The following UBA7 variants were observed in gnomAD, a reference collection of about 807,000 sequenced individuals.
The protein encoded by UBA7 is ubiquitin like modifier activating enzyme 7.
UBA7 carries 88 observed loss-of-function variants against 113.0 expected under a neutral mutation model. The observed-to-expected ratio is 0.78, with a 90% CI of 0.66 to 0.93. UBA7 has a LOEUF of 0.93. Among genes scored for constraint, UBA7 ranks in the 40% least tolerant of loss-of-function variants. The pLI, the probability that UBA7 is intolerant of heterozygous loss-of-function variation, is 0.00. For synonymous variants in UBA7, 459 were observed against 513.0 expected (o/e 0.89, Z 1.42); for missense variants, 1,092 against 1,266.4 (o/e 0.86, Z 2.09).
chr3:49,807,533 G>T lies in UBA7; in HGVS notation c.2715+203C>A, dbSNP rs2081473098. Among the ~76,000 whole-genome samples, 1 of 152,178 alleles carries T rather than the reference G, an allele frequency of 6.6e-6. No homozygotes were observed. The highest frequency in any genetic ancestry group is 2.4e-5 in the African/African-American group (1 of 41,434). Reference sequence around the variant, plus strand: ...CAGATCCTGGGCTTTGGAGGATTGGGGGTGGGGATGGCTGACGGCTGCTTC... The same window carrying T: ...CAGATCCTGGGCTTTGGAGGATTGGTGGTGGGGATGGCTGACGGCTGCTTC... On this transcript the variant is annotated intron_variant, in intron 21 of 23. Coordinates refer to ENST00000333486, the MANE Select transcript of UBA7 (RefSeq NM_003335.3). The surrounding 1 kb of genome is among the most constrained non-coding windows in gnomAD (Gnocchi z 4.0).
chr3:49,809,357 C>CT, intron 17 of UBA7, 33 bp downstream of exon 17: 1 of 1,609,744 alleles, frequency 6.2e-7, no homozygotes, highest in African/African-American at 1.3e-5. Context: ...GGCCACATCT[C>CT]TATCTTGGAG....
rs766143595 is a variant in UBA7, at chr3:49,810,173, C to A, written c.1644G>T (p.Val548=). 6.2e-7 allele frequency: 1 copy of A among 1,613,194 alleles called. No individual in the cohort carries two copies. Among genetic ancestry groups the A allele is most frequent in the Non-Finnish European group, 8.5e-7 (1 of 1,179,854 alleles). ...ALDSFQARRY[V]AARCTHYLKP... ...TCAGATAGTGGGTGCAACGAGCAGCCACATAGCGCCCTGGCAAGGGAGCAG... is the reference window on the plus strand; with the variant it reads ...TCAGATAGTGGGTGCAACGAGCAGCAACATAGCGCCCTGGCAAGGGAGCAG... Residue 548 remains valine (V), a synonymous_variant, in exon 14 of 24, where the codon GTG becomes GTT. Transcript: ENST00000333486. The surrounding 1 kb of genome is among the most constrained non-coding windows in gnomAD (Gnocchi z 5.6).
rs893317174 is a variant in UBA7, at chr3:49,805,343, C to T, written c.3004G>A (p.Asp1002Asn). The T allele has an allele frequency of 3.1e-6, 5 of 1,613,846 alleles. No individual in the cohort carries two copies. In the African/African-American group the frequency reaches 5.3e-5, roughly 17 times the overall value. Residue 1002 changes from aspartate to asparagine, a missense_variant, in exon 24 of 24, where the codon GAC becomes AAC. Asp to Asn is a conservative substitution (Grantham distance 23). Coordinates refer to ENST00000333486, the MANE Select transcript of UBA7 (RefSeq NM_003335.3). Reference protein sequence around the residue: ...LELSCEGDDEDTAFPPLHYEL With the variant: ...LELSCEGDDENTAFPPLHYEL The stretch of plus-strand genomic sequence containing the variant: ...TAGTGCAGAGGTGGGAAGGCAGTGT[C>T]CTCGTCGTCACCCTCACAGCTCAGC...
rs375285196 is a variant in UBA7 at position 49,813,736 on chromosome 3, G to C, written c.52C>G (p.Gln18Glu). 1 of 1,614,134 alleles carries C rather than the reference G, an allele frequency of 6.2e-7. No individual in the cohort carries two copies. Among genetic ancestry groups the C allele is most frequent in the African/African-American group, 1.3e-5 (1 of 74,944 alleles). ...ACCCCCCACCTCGGGCCTCACAGCT[G>C]TCTTGAATACAGCTCCTCATCCAGT... ...KLLDEELYSR[Q>E]LYVLGSPAMQ... Residue 18 changes from glutamine to glutamate, a missense_variant, in exon 1 of 24, where the codon CAG (glutamine) becomes GAG (glutamate). Coordinates refer to ENST00000333486, the MANE Select transcript of UBA7 (RefSeq NM_003335.3).
chr3:49,809,651 C>G lies in UBA7; in HGVS notation c.1979G>C (p.Arg660Thr), dbSNP rs373988920. The change falls in exon 16 of 24, where the codon AGA (arginine) becomes ACA (threonine). Residue 660 changes from arginine (R) to threonine (T), a missense_variant. Around this residue, in one of 3 missense-constraint regions of UBA7, gnomAD observed 500 missense variants for 529.3 expected, o/e 0.94. Transcript: ENST00000333486. The part of the protein sequence containing the change: ...TLLKPVLGVL[R>T]VRPQNWQDCV... ...GTCTTGCCAGTTCTGTGGACGCACTCTCAGGACCCCAAGCACTGGCTTCAG... is the reference window on the plus strand; with the variant it reads ...GTCTTGCCAGTTCTGTGGACGCACTGTCAGGACCCCAAGCACTGGCTTCAG... 2.2e-5 allele frequency: 35 copies of G among 1,613,984 alleles called. No homozygotes were observed. Among genetic ancestry groups the G allele is most frequent in the Non-Finnish European group, 2.7e-5 (32 of 1,180,048 alleles).
intron 8 of UBA7, 147 bp downstream of exon 8, chr3:49,811,723 C>A: frequency 7.1e-7 from 1 of 1,398,922 alleles, no homozygotes; most frequent in Non-Finnish European, 9.8e-7. Flanking sequence ...GGATGTGTGC[C>A]TGGCACTTCC....
At position 49,813,004 on chromosome 3, in the gene UBA7, C is replaced by T. The variant is rs113857925; in HGVS notation, c.467+58G>A. On this transcript the variant is annotated intron_variant, in intron 4 of 23. Coordinates refer to ENST00000333486, the MANE Select transcript of UBA7 (RefSeq NM_003335.3). ...ACTGGAGCAAGCCTGGAGCTGAGGACAGCATGAGGCCAGTTGCTGGCTGTA... is the reference window on the plus strand; with the variant it reads ...ACTGGAGCAAGCCTGGAGCTGAGGATAGCATGAGGCCAGTTGCTGGCTGTA... 5.5e-5 allele frequency: 87 copies of T among 1,571,604 alleles called. 2 individuals are homozygous for T. The highest frequency in any genetic ancestry group is 5.1e-4 in the African/African-American group (38 of 74,418).
chr3:49,806,256 G>T, intron 21 of UBA7, 91 bp from the exon 22 acceptor site: 1 of 970,186 alleles, frequency 1.0e-6, no homozygotes, highest in Non-Finnish European at 1.5e-6. Flanking sequence ...GGAAGAGCTG[G>T]ACTAGCAGGA....
rs1559436915 is a variant in UBA7, at chr3:49,811,999, G to C, written c.810C>G (p.Ala270=). Residue 270 remains alanine (A), a synonymous_variant, in exon 8 of 24, where the codon GCC becomes GCG. Coordinates refer to ENST00000333486, the MANE Select transcript of UBA7 (RefSeq NM_003335.3). ...GGGCCACCACATGGGGCTGGAGCAG[G>C]GCTGTGTCCAGGGACTTCTGCAAGG... ...KTVRHKSLDT[A]LLQPHVVAQS... 6.2e-7 allele frequency: 1 copy of C among 1,614,162 alleles called. No individual in the cohort carries two copies. Among genetic ancestry groups the C allele is most frequent in the Non-Finnish European group, 8.5e-7 (1 of 1,180,028 alleles).
chr3:49,807,975 G>A lies in UBA7; in HGVS notation c.2523+45C>T. On this transcript the variant is annotated intron_variant, in intron 20 of 23. Coordinates refer to ENST00000333486, the MANE Select transcript of UBA7 (RefSeq NM_003335.3). The surrounding 1 kb of genome is among the most constrained non-coding windows in gnomAD (Gnocchi z 4.0). ...TCTGGGCCCAAGGCGTAGGGCCAGG[G>A]TTTGCCCTCCACCTCCAGGCCCAAG... 1 of 1,614,070 alleles carries A rather than the reference G, an allele frequency of 6.2e-7. No individual in the cohort carries two copies. The highest frequency in any genetic ancestry group is 8.5e-7 in the Non-Finnish European group (1 of 1,179,964).
chr3:49,811,936 A>C lies in UBA7; in HGVS notation c.873T>G (p.His291Gln), dbSNP rs2081554248. 6.2e-7 allele frequency: 1 copy of C among 1,614,186 alleles called. No individual in the cohort carries two copies. The change falls in exon 8 of 24, where the codon CAT becomes CAG. Residue 291 changes from histidine (H) to glutamine (Q), a missense_variant. By Grantham distance (24) the His-to-Gln change is conservative. Around this residue, in one of 3 missense-constraint regions of UBA7, gnomAD observed 584 missense variants for 714.5 expected, o/e 0.82. Transcript: ENST00000333486. ...SQEVHHAHCL[H>Q]QAFCALHKFQ... is the part of the protein sequence containing the mutation. ...ACTTGTGCAGTGCACAGAAGGCCTG[A>C]TGCAGGCAGTGGGCATGGTGAACTT... is the stretch of plus-strand genomic sequence containing the variant.
Position 49,810,089 on chromosome 3 carries a change from T to C in UBA7, c.1728A>G (p.Pro576=). 6.2e-7 allele frequency: 1 copy of C among 1,613,172 alleles called. No individual in the cohort carries two copies. Among genetic ancestry groups the C allele is most frequent in the South Asian group, 1.1e-5 (1 of 91,084 alleles). ...GGGCTCTGTAGGCCTCAGTCACATGTGGCATGAATACTGTAGCACTGCCCC... is the reference window on the plus strand; with the variant it reads ...GGGCTCTGTAGGCCTCAGTCACATGCGGCATGAATACTGTAGCACTGCCCC... ...GTWGSATVFM[P]HVTEAYRAPA... is the part of the protein sequence containing the mutation. The change falls in exon 14 of 24, where the codon CCA becomes CCG. Residue 576 remains proline, a synonymous_variant. Transcript: ENST00000333486. This position sits in a 1 kb window ranked among gnomAD's most constrained non-coding sequence, Gnocchi z 5.6.
rs752853225 is a variant in UBA7 at position 49,808,132 on chromosome 3, G to C, written c.2431-20C>G. ...ATCATCCTGTAAGGCCCAAGTCAAA[G>C]TAGTGTTAACACTGCAGCTGTGCCC... On this transcript the variant is annotated intron_variant, in intron 19 of 23. Transcript: ENST00000333486. 7 of 1,613,026 alleles carry C rather than the reference G, an allele frequency of 4.3e-6. No individual in the cohort carries two copies. The East Asian group carries it at 1.3e-4, about 31-fold the overall frequency.
In UBA7 at chr3:49,807,601, G is replaced by T; in HGVS notation, c.2715+135C>A. 1 of 1,172,516 alleles carries T rather than the reference G, an allele frequency of 8.5e-7. No homozygotes were observed. Among genetic ancestry groups the T allele is most frequent in the Non-Finnish European group, 1.2e-6 (1 of 847,022 alleles). 72.6% of individuals were successfully genotyped at this position (1,172,516 alleles called of 1,614,324 possible). A position where few individuals can be genotyped will look rare whatever the true frequency, so the allele number is the denominator to read the frequency against. On this transcript the variant is annotated intron_variant, in intron 21 of 23. Coordinates refer to ENST00000333486, the MANE Select transcript of UBA7 (RefSeq NM_003335.3). The surrounding 1 kb of genome is among the most constrained non-coding windows in gnomAD (Gnocchi z 4.0). ...CAGCCTGGCTTCATAGCAGGAAGAG[G>T]GCTGGAGGGAGTCTTCAGGACTTCT... is the stretch of plus-strand genomic sequence containing the variant.
rs762319649 is a variant in UBA7, at chr3:49,809,708, G to T, written c.1922C>A (p.Ala641Glu). Reference protein sequence around the residue: ...NHHQQAHTSLADMDEPQTLTL... With the variant: ...NHHQQAHTSLEDMDEPQTLTL... The stretch of plus-strand genomic sequence containing the variant: ...GAGTGTCTGTGGCTCATCCATGTCT[G>T]CCAGGGAAGTGTGTGCCCTGCAGAG... The change falls in exon 16 of 24, where the codon GCA becomes GAA. Residue 641 changes from alanine (A) to glutamate (E), a missense_variant. Ala to Glu is a moderately radical substitution (Grantham distance 107, BLOSUM62 -1). Around this residue, in one of 3 missense-constraint regions of UBA7, gnomAD observed 500 missense variants for 529.3 expected, o/e 0.94. Transcript: ENST00000333486. 3.1e-6 allele frequency: 5 copies of T among 1,614,118 alleles called. No homozygotes were observed. Among genetic ancestry groups the T allele is most frequent in the East Asian group, 2.2e-5 (1 of 44,892 alleles).
Position 49,805,445 on chromosome 3 carries a change from G to C in UBA7, c.2910-8C>G, listed in dbSNP as rs899218184. ...TGAACCAGTTCTGTCACCCTGGTAG[G>C]GGTGGGTTTAGGGGAGATTGGAGAG... On this transcript the variant is annotated splice_region_variant and splice_polypyrimidine_tract_variant and intron_variant, in intron 23 of 23. Coordinates refer to ENST00000333486, the MANE Select transcript of UBA7 (RefSeq NM_003335.3). The C allele has an allele frequency of 6.3e-7, 1 of 1,575,336 alleles. No individual in the cohort carries two copies. The highest frequency in any genetic ancestry group is 8.6e-7 in the Non-Finnish European group (1 of 1,162,584).
Position 49,805,977 on chromosome 3 carries a change from C to A in UBA7, c.2829G>T (p.Val943=), listed in dbSNP as rs1245634933. 6.4e-7 allele frequency: 1 copy of A among 1,566,742 alleles called. No individual in the cohort carries two copies. Among genetic ancestry groups the A allele is most frequent in the Non-Finnish European group, 8.7e-7 (1 of 1,155,572 alleles). ...AHLQEQHGLR[V]RILLHGSALL... ...GGGCTGAGCCGTGCAGCAGGATCCTCACCCTCAACCCGTGCTGCTCCTAGA... is the reference window on the plus strand; with the variant it reads ...GGGCTGAGCCGTGCAGCAGGATCCTAACCCTCAACCCGTGCTGCTCCTAGA... Residue 943 remains valine, a synonymous_variant, in exon 23 of 24, where the codon GTG becomes GTT. Coordinates refer to ENST00000333486, the MANE Select transcript of UBA7 (RefSeq NM_003335.3).
intron 8 of UBA7, 175 bp from the exon 9 acceptor site, chr3:49,811,630 A>C (rs2081549252): frequency 8.8e-7 from 1 of 1,131,336 alleles, no homozygotes; most frequent in Non-Finnish European, 1.2e-6. Flanking sequence ...GCCCAGTACC[A>C]GACAGCAGTC....
rs1474652509 is a variant in UBA7 at position 49,806,182 on chromosome 3, G to A, written c.2716-17C>T. 2 of 1,572,216 alleles carry A rather than the reference G, an allele frequency of 1.3e-6. No individual in the cohort carries two copies. The highest frequency in any genetic ancestry group is 2.7e-5 in the African/African-American group (2 of 74,150). On this transcript the variant is annotated splice_polypyrimidine_tract_variant and intron_variant, in intron 21 of 23. Coordinates refer to ENST00000333486, the MANE Select transcript of UBA7 (RefSeq NM_003335.3). ...GTGATGGAACTGGGATGAGGTAGAG[G>A]AGGAGTCAGAGACTTCTTACCTCCC... is the stretch of plus-strand genomic sequence containing the variant.
Sources: allele counts gnomAD v4.1 joint callset (sites outside exome capture counted in the v4.1 genomes callset), GRCh38; gene constraint gnomAD v4.1.1; regional missense constraint gnomAD v4.1.1; non-coding constraint Gnocchi (gnomAD v3.1); transcripts MANE v1.5; gene names NCBI Gene and HGNC (gene_info 2026-07-23, HGNC 2026-07-21).